CDH22: variants seen among roughly 807,000 people sequenced by gnomAD.
CDH22 encodes cadherin-22.
CDH22 carries 30 observed loss-of-function variants against 58.4 expected under a neutral mutation model. The observed-to-expected ratio is 0.51, with a 90% CI of 0.38 to 0.70. The LOEUF (loss-of-function observed/expected upper bound fraction) is 0.70, where lower values mean the gene tolerates loss of function less well. CDH22 is among the 30% of genes least tolerant of loss of function. The pLI is 0.00. For synonymous variants in CDH22, 513 were observed against 558.2 expected (o/e 0.92, Z 1.14); for missense variants, 1,014 against 1,233.9 (o/e 0.82, Z 2.67).
At chr20:46,179,230 C>A (rs1019000591) in intron 10 of CDH22, among the ~76,000 whole-genome samples, 2 of 152,254 alleles carry the variant, frequency 1.3e-5, no homozygotes, top group Admixed American at 1.3e-4. Context: ...TCACAGCCAA[C>A]TCTGCCAAAG....
At chr20:46,242,038 G>A (rs2086293496) in intron 2 of CDH22, among the ~76,000 whole-genome samples, 1 of 152,172 alleles carries the variant, frequency 6.6e-6, no homozygotes. Context: ...GGAGAACCAG[G>A]CTCAAGACAT....
intron 1 of CDH22, among the ~76,000 whole-genome samples, chr20:46,284,330 T>TGG (rs2086566428): frequency 1.3e-5 from 2 of 152,220 alleles, no homozygotes; most frequent in Non-Finnish European, 2.9e-5. Flanking sequence ...TCCCTGCTCC[T>TGG]AAGCCCTGGC....
intron 4 of CDH22, chr20:46,220,909 G>T (rs1312406438): frequency 6.5e-6 from 1 of 152,742 alleles, no homozygotes; most frequent in East Asian, 1.9e-4. Flanking sequence ...CACACCTTCC[G>T]GTATCCACGC....
Position 46,199,556 on chromosome 20 carries a change from G to A in CDH22, c.1290C>T (p.Tyr430=). The change falls in exon 8 of 12, where the codon TAC becomes TAT. Residue 430 remains tyrosine, a synonymous_variant. Transcript: ENST00000537909. ...CCAAATCTGATTCGCGGTCAATGGC[G>A]TACCTGCGGGGGGCAGGGCAGGGCT... ...DPDAANRPVR[Y]AIDRESDLDQ... The A allele has an allele frequency of 6.2e-7, 1 of 1,613,348 alleles. No individual in the cohort carries two copies. The highest frequency in any genetic ancestry group is 8.5e-7 in the Non-Finnish European group (1 of 1,179,770).
chr20:46,269,385 C>A (rs918405795), intron 1 of CDH22, among the ~76,000 whole-genome samples: 7 of 152,214 alleles, frequency 4.6e-5, no homozygotes, highest in African/African-American at 1.7e-4. Context: ...CAGTGTGGGT[C>A]CCAAATCTTC....
At chr20:46,295,373 G>C (rs1212696496) in intron 1 of CDH22, among the ~76,000 whole-genome samples, 1 of 152,180 alleles carries the variant, frequency 6.6e-6, no homozygotes, top group South Asian at 2.1e-4. Context: ...TGAGCTCTCC[G>C]CTGTCCACTC....
chr20:46,232,050 A>ACCAG (rs1024015644), intron 3 of CDH22, among the ~76,000 whole-genome samples: 6 of 152,202 alleles, frequency 3.9e-5, no homozygotes, highest in Non-Finnish European at 5.9e-5. Flanking sequence ...ACCCCTGGAC[A>ACCAG]CCAGCATCAG....
intron 1 of CDH22, among the ~76,000 whole-genome samples, chr20:46,279,264 CA>C (rs1271121740): frequency 1.3e-5 from 2 of 152,078 alleles, no homozygotes; most frequent in African/African-American, 4.8e-5. Context: ...GCTGAAAACG[CA>C]AAAAACTCAT....
At chr20:46,307,905 T>C (rs1404704747) in intron 1 of CDH22, among the ~76,000 whole-genome samples, 7 of 151,822 alleles carry the variant, frequency 4.6e-5, no homozygotes, top group Non-Finnish European at 1.5e-5. Flanking sequence ...GCGCGCCGGC[T>C]CGGCCCCTGG....
At position 46,174,953 on chromosome 20, in the gene CDH22, G is replaced by T. The variant is rs371403198; in HGVS notation, c.2040C>A (p.Thr680=). The T allele has an allele frequency of 2.4e-5, 39 of 1,600,846 alleles. No homozygotes were observed. Among genetic ancestry groups the T allele is most frequent in the East Asian group, 1.3e-4 (6 of 44,552 alleles). ...YNDEGGGEQD[T]EAYDMSALRS... Reference sequence around the variant, plus strand: ...GCAGCGCCGACATGTCGTAGGCTTCGGTGTCCTGCTCGCCGCCGCCTTCGT... The same window carrying T: ...GCAGCGCCGACATGTCGTAGGCTTCTGTGTCCTGCTCGCCGCCGCCTTCGT... Residue 680 remains threonine, a synonymous_variant, in exon 12 of 12, where the codon ACC becomes ACA. Transcript: ENST00000537909. This position sits in a 1 kb window ranked among gnomAD's most constrained non-coding sequence, Gnocchi z 4.4.
rs554053772 is a variant in CDH22, at chr20:46,302,689, T to C, written c.-400+5566A>G. On this transcript the variant is annotated intron_variant, in intron 1 of 11. Coordinates refer to ENST00000537909, the MANE Select transcript of CDH22 (RefSeq NM_021248.3). ...CAAAACTCTATTTCCAGCCCAGAACTCTCTGAGTGGGCCTAGATGTTTTTG... is the reference window on the plus strand; with the variant it reads ...CAAAACTCTATTTCCAGCCCAGAACCCTCTGAGTGGGCCTAGATGTTTTTG... Among the ~76,000 whole-genome samples, 5 of 152,180 alleles carry C rather than the reference T, an allele frequency of 3.3e-5. 1 individual carries two copies. Among genetic ancestry groups the C allele is most frequent in the African/African-American group, 1.2e-4 (5 of 41,522 alleles).
intron 4 of CDH22, among the ~76,000 whole-genome samples, chr20:46,217,563 A>G (rs936299410): frequency 2.0e-5 from 3 of 152,192 alleles, no homozygotes; most frequent in Non-Finnish European, 4.4e-5. Context: ...CCACTCATAC[A>G]CTCACAGACT....
chr20:46,303,200 C>A (rs77006139), intron 1 of CDH22, among the ~76,000 whole-genome samples: 1,958 of 152,326 alleles, frequency 0.013, 45 homozygotes, highest in African/African-American at 0.044. Flanking sequence ...TGTGTGTTCT[C>A]CTTCAGCCAA....
chr20:46,258,131 G>A (rs899168156), intron 1 of CDH22, among the ~76,000 whole-genome samples: 1 of 152,140 alleles, frequency 6.6e-6, no homozygotes, highest in African/African-American at 2.4e-5. Context: ...TTAGTGGGGC[G>A]GAGGTCATTA....
At chr20:46,222,585 G>A (rs1462747561) in intron 4 of CDH22, among the ~76,000 whole-genome samples, 2 of 152,208 alleles carry the variant, frequency 1.3e-5, no homozygotes, top group Non-Finnish European at 2.9e-5. Context: ...GTGGGCGGGG[G>A]CTGGTAATTA....
chr20:46,306,175 T>C (rs77755445), intron 1 of CDH22, among the ~76,000 whole-genome samples: 31 of 152,386 alleles, frequency 2.0e-4, no homozygotes, highest in African/African-American at 7.5e-4. Context: ...AGCAAGTGTC[T>C]TCTTGTCCTG....
chr20:46,179,263 G>A (rs1377663969), intron 10 of CDH22, among the ~76,000 whole-genome samples: 1 of 152,186 alleles, frequency 6.6e-6, no homozygotes, highest in Non-Finnish European at 1.5e-5. Flanking sequence ...TCCTGCTGGG[G>A]GCCTTCAGTC....
At chr20:46,180,748 TC>T in intron 10 of CDH22, among the ~76,000 whole-genome samples, 1 of 152,148 alleles carries the variant, frequency 6.6e-6, no homozygotes, top group East Asian at 1.9e-4. Context: ...TCTTTTTTTT[TC>T]TTGAGACAAG....
At chr20:46,276,252 C>T (rs2086516448) in intron 1 of CDH22, among the ~76,000 whole-genome samples, 1 of 152,152 alleles carries the variant, frequency 6.6e-6, no homozygotes, top group South Asian at 2.1e-4. Context: ...AAAGGAGAGA[C>T]CCTGGACTTT....
Sources: gnomAD v4.1 joint callset for allele counts (sites outside exome capture counted in the v4.1 genomes callset) on GRCh38, gnomAD v4.1.1 for gene constraint, Gnocchi (gnomAD v3.1) non-coding constraint, MANE v1.5 for transcripts, NCBI Gene and HGNC (gene_info 2026-07-23, HGNC 2026-07-21) for gene names.